The following GTF2A1L variants were observed in gnomAD, a reference collection of about 807,000 sequenced individuals.
GTF2A1L encodes TFIIA-alpha and beta-like factor.
GTF2A1L carries 48 observed loss-of-function variants against 49.7 expected under a neutral mutation model. The ratio of observed to expected loss-of-function variants is 0.97; its 90% CI spans 0.77 to 1.23. The LOEUF (loss-of-function observed/expected upper bound fraction) is 1.23, where lower values mean the gene tolerates loss of function less well. Among genes scored for constraint, GTF2A1L ranks in the 50% most tolerant of loss-of-function variants. The probability of loss-of-function intolerance (pLI) is 0.00; values close to 1 mark genes in which losing one functional copy is unlikely to be tolerated. For missense variants in GTF2A1L, 736 were observed against 564.8 expected (o/e 1.30, Z -3.07); for synonymous variants, 246 against 193.5 (o/e 1.27, Z -2.25).
intron 5 of GTF2A1L, among the ~76,000 whole-genome samples, chr2:48,646,067 T>C (rs1677486685): frequency 6.6e-6 from 1 of 152,048 alleles, no homozygotes; most frequent in Non-Finnish European, 1.5e-5. Flanking sequence ...GCATTTTAAA[T>C]ATATGAAGTA....
At chr2:48,620,103 A>G (rs1398349090) in intron 1 of GTF2A1L, among the ~76,000 whole-genome samples, 1 of 152,196 alleles carries the variant, frequency 6.6e-6, no homozygotes, top group African/African-American at 2.4e-5. Flanking sequence ...ATTTGTGGAA[A>G]TAATATAGTG....
At chr2:48,624,645 A>G (rs1439659176) in intron 3 of GTF2A1L, among the ~76,000 whole-genome samples, 1 of 144,138 alleles carries the variant, frequency 6.9e-6, no homozygotes, top group Non-Finnish European at 1.6e-5. Context: ...TCTATTAGAT[A>G]TTTAGACTTA....
At chr2:48,628,980 A>C (rs1454222771) in intron 3 of GTF2A1L, among the ~76,000 whole-genome samples, 1 of 143,904 alleles carries the variant, frequency 6.9e-6, no homozygotes, top group East Asian at 1.9e-4. Context: ...GCGGTGGCTC[A>C]TGCCTGTAAT....
At chr2:48,632,851 T>G in intron 3 of GTF2A1L, 1 of 234,136 alleles carries the variant, frequency 4.3e-6, no homozygotes, top group Non-Finnish European at 8.3e-6. Context: ...TGCCAATTGG[T>G]TAACATTTTT....
intron 3 of GTF2A1L, among the ~76,000 whole-genome samples, chr2:48,634,036 T>G (rs1280687988): frequency 6.6e-6 from 1 of 152,156 alleles, no homozygotes; most frequent in Non-Finnish European, 1.5e-5. Context: ...TGCATCTTGT[T>G]TTTTATCTAA....
intron 6 of GTF2A1L, among the ~76,000 whole-genome samples, chr2:48,650,741 A>C (rs188149601): frequency 7.2e-5 from 11 of 152,310 alleles, no homozygotes; most frequent in Admixed American, 6.5e-4. Context: ...ATATTAAGAT[A>C]TATTTCATTC....
Position 48,671,692 on chromosome 2 carries a change from A to G in GTF2A1L, c.1329+12A>G, listed in dbSNP as rs758313983. On this transcript the variant is annotated intron_variant, in intron 8 of 8. Transcript: ENST00000403751. ...GTCAGTATGATAAGGTACTGTATTT[A>G]CCTTTTGGACTTTGGGTTTATTAAC... The G allele has an allele frequency of 4.4e-6, 7 of 1,601,674 alleles. No homozygotes were observed. In the African/African-American group the frequency reaches 6.7e-5, roughly 15 times the overall value.
chr2:48,622,361 T>C (rs867678619), intron 3 of GTF2A1L, among the ~76,000 whole-genome samples: 2 of 152,252 alleles, frequency 1.3e-5, no homozygotes, highest in African/African-American at 4.8e-5. Flanking sequence ...TGTTGACACA[T>C]TGAAACATTT....
intron 6 of GTF2A1L, among the ~76,000 whole-genome samples, chr2:48,649,580 T>C (rs1677731415): frequency 6.6e-6 from 1 of 152,162 alleles, no homozygotes; most frequent in South Asian, 2.1e-4. Context: ...GTATCTACCA[T>C]GTAATTGTGG....
chr2:48,665,991 A>T (rs1321676616), intron 6 of GTF2A1L, among the ~76,000 whole-genome samples: 1 of 152,036 alleles, frequency 6.6e-6, no homozygotes, highest in Non-Finnish European at 1.5e-5. Context: ...TAGGTATATA[A>T]GTATTTAGGA....
chr2:48,654,926 A>G (rs1678087808), intron 6 of GTF2A1L, among the ~76,000 whole-genome samples: 1 of 152,150 alleles, frequency 6.6e-6, no homozygotes, highest in Non-Finnish European at 1.5e-5. Flanking sequence ...AGTAAATCAG[A>G]GAGTGTGAAT....
chr2:48,649,022 T>C (rs1677697397), intron 6 of GTF2A1L, among the ~76,000 whole-genome samples: 1 of 152,206 alleles, frequency 6.6e-6, no homozygotes. Context: ...GGAGAGCTTA[T>C]GGATCTATAG....
At chr2:48,664,129 T>C (rs754045363) in intron 6 of GTF2A1L, among the ~76,000 whole-genome samples, 6 of 152,252 alleles carry the variant, frequency 3.9e-5, no homozygotes, top group African/African-American at 1.2e-4. Flanking sequence ...TGTTTTTTTT[T>C]CTTGGCTTAT....
At chr2:48,617,979 C>A in intron 1 of GTF2A1L, 84 bp downstream of exon 1, 1 of 1,338,906 alleles carries the variant, frequency 7.5e-7, no homozygotes, top group Non-Finnish European at 1.0e-6. Flanking sequence ...CTTTTGTTTC[C>A]CCCTGACACT....
chr2:48,642,820 C>T (rs1317791403), intron 4 of GTF2A1L, among the ~76,000 whole-genome samples: 1 of 151,056 alleles, frequency 6.6e-6, no homozygotes, highest in Non-Finnish European at 1.5e-5. Flanking sequence ...CATGCCATTG[C>T]ACTCCAGCGT....
chr2:48,649,326 G>C (rs13021781), intron 6 of GTF2A1L, among the ~76,000 whole-genome samples: 20,982 of 152,008 alleles, frequency 0.14, 1,689 homozygotes, highest in African/African-American at 0.23. Context: ...AATATTCCTG[G>C]AATCTGTTCC....
chr2:48,672,616 C>T (rs1679231646), intron 8 of GTF2A1L, among the ~76,000 whole-genome samples: 1 of 152,122 alleles, frequency 6.6e-6, no homozygotes, highest in African/African-American at 2.4e-5. Context: ...TTGAAGGTGT[C>T]TCTCAGGTTT....
intron 5 of GTF2A1L, among the ~76,000 whole-genome samples, chr2:48,645,959 TTC>T (rs1677480256): frequency 1.3e-5 from 2 of 152,044 alleles, no homozygotes; most frequent in Non-Finnish European, 2.9e-5. Context: ...TTTTTTTTTT[TTC>T]TTTTATAGTG....
At chr2:48,679,126 T>A (rs1679625992) in intron 8 of GTF2A1L, among the ~76,000 whole-genome samples, 1 of 152,006 alleles carries the variant, frequency 6.6e-6, no homozygotes, top group African/African-American at 2.4e-5. Context: ...AATATATGTA[T>A]CTTAAACTAA....
Sources: allele counts gnomAD v4.1 joint callset (sites outside exome capture counted in the v4.1 genomes callset), GRCh38; gene constraint gnomAD v4.1.1; transcripts MANE v1.5; gene names NCBI Gene and HGNC (gene_info 2026-07-23, HGNC 2026-07-21).